The following TFRC variants were observed in gnomAD, a reference collection of about 807,000 sequenced individuals.
TFRC encodes the protein transferrin receptor protein 1.
Under a neutral mutation model 85.8 loss-of-function variants are expected in TFRC, and 35 were observed. The observed-to-expected ratio is 0.41, with a 90% CI of 0.31 to 0.54. TFRC has a LOEUF of 0.54. TFRC is among the 20% of genes least tolerant of loss of function. The probability of loss-of-function intolerance (pLI) is 0.31; values close to 1 mark genes in which losing one functional copy is unlikely to be tolerated. For synonymous variants in TFRC, 362 were observed against 328.6 expected, an observed-to-expected ratio of 1.10 and a Z score of -1.10; for missense variants, 828 against 921.5, an observed-to-expected ratio of 0.90 and a Z score of 1.31.
intron 6 of TFRC, among the ~76,000 whole-genome samples, chr3:196,069,972 G>C (rs1718051870): frequency 6.6e-6 from 1 of 152,174 alleles, no homozygotes; most frequent in Admixed American, 6.5e-5. Flanking sequence ...TTACAACAAA[G>C]TGACTTGCAT....
chr3:196,075,226 T>C lies in TFRC; in HGVS notation c.171A>G (p.Thr57=). The change falls in exon 3 of 19, where the codon ACA becomes ACG. Residue 57 remains threonine (T), a synonymous_variant. Coordinates refer to ENST00000360110, the MANE Select transcript of TFRC (RefSeq NM_001128148.3). ...NADNNTKANV[T]KPKRCSGSIC... ...TACTTCCACTACACCTTTTTGGTTT[T>C]GTGACATTGGCCTTTGTGTTATTGT... The C allele has an allele frequency of 1.2e-6, 2 of 1,614,202 alleles. No individual in the cohort carries two copies. Among genetic ancestry groups the C allele is most frequent in the East Asian group, 4.5e-5 (2 of 44,892 alleles).
Position 196,074,023 on chromosome 3 carries a change from T to C in TFRC, c.341A>G (p.Glu114Gly). The C allele has an allele frequency of 6.2e-7, 1 of 1,614,180 alleles. No individual in the cohort carries two copies. The highest frequency in any genetic ancestry group is 8.5e-7 in the Non-Finnish European group (1 of 1,180,022). The change falls in exon 4 of 19, where the codon GAG becomes GGG. Residue 114 changes from glutamate to glycine, a missense_variant. Coordinates refer to ENST00000360110, the MANE Select transcript of TFRC (RefSeq NM_001128148.3). ...TAAGCGACGTGCTGCAGGGAAGTCC[T>C]CTCCTGGCTCCTCCCTCACTGGAGA... Reference protein sequence around the residue: ...TESPVREEPGEDFPAARRLYW... With the variant: ...TESPVREEPGGDFPAARRLYW...
chr3:196,073,844 C>A, intron 4 of TFRC, 86 bp downstream of exon 4: 1 of 1,368,560 alleles, frequency 7.3e-7, no homozygotes, highest in Non-Finnish European at 9.9e-7. Flanking sequence ...AGCCATTCCC[C>A]ACAGTGTCAC....
At position 196,067,767 on chromosome 3, in the gene TFRC, G is replaced by A. The variant is rs918574721; in HGVS notation, c.901-110C>T. On this transcript the variant is annotated intron_variant, in intron 8 of 18. Coordinates refer to ENST00000360110, the MANE Select transcript of TFRC (RefSeq NM_001128148.3). Reference sequence around the variant, plus strand: ...CCCAACCTTAGTTTACCAACTTGAAGCCTCAAAAATCTGAGTGGCTCTACA... The same window carrying A: ...CCCAACCTTAGTTTACCAACTTGAAACCTCAAAAATCTGAGTGGCTCTACA... The A allele has an allele frequency of 2.3e-6, 3 of 1,311,080 alleles. No individual in the cohort carries two copies. The African/African-American group carries it at 4.4e-5, about 19-fold the overall frequency. 81.2% of individuals were successfully genotyped at this position (1,311,080 alleles called of 1,614,324 possible). A position where few individuals can be genotyped will look rare whatever the true frequency, so the allele number is the denominator to read the frequency against.
intron 18 of TFRC, among the ~76,000 whole-genome samples, chr3:196,053,068 C>T (rs1034417851): frequency 7.3e-5 from 11 of 151,544 alleles, no homozygotes; most frequent in East Asian, 5.8e-4. Context: ...GAGCCGAGAC[C>T]GTGCCATTGC....
chr3:196,077,783 G>C (rs1718833168), intron 1 of TFRC, among the ~76,000 whole-genome samples: 1 of 151,808 alleles, frequency 6.6e-6, no homozygotes, highest in African/African-American at 2.4e-5. Context: ...CATACAAAAA[G>C]ACAAAATTAA....
At chr3:196,070,218 C>T (rs1239335497) in intron 6 of TFRC, among the ~76,000 whole-genome samples, 1 of 151,884 alleles carries the variant, frequency 6.6e-6, no homozygotes, top group African/African-American at 2.4e-5. Context: ...AGAACTGCAC[C>T]AGCCCCGAAA....
intron 4 of TFRC, among the ~76,000 whole-genome samples, chr3:196,073,258 C>T (rs112704210): frequency 1.3e-5 from 2 of 149,772 alleles, no homozygotes; most frequent in African/African-American, 4.9e-5. Flanking sequence ...AAGAACAGAC[C>T]GGCCTGGGAG....
intron 2 of TFRC, among the ~76,000 whole-genome samples, chr3:196,075,890 G>C (rs74199047): frequency 0.068 from 10,372 of 151,544 alleles, 513 homozygotes; most frequent in East Asian, 0.15. Flanking sequence ...CTCTGGGGGG[G>C]GCCGAGGCAC....
rs1487205644 is a variant in TFRC at position 196,051,249 on chromosome 3, G to A, written c.*693C>T. The A allele has an allele frequency of 4.6e-6, 1 of 219,030 alleles. No homozygotes were observed. The highest frequency in any genetic ancestry group is 9.2e-6 in the Non-Finnish European group (1 of 108,956). The allele number at this position is 219,030 out of a possible 1,614,324, so 13.6% of individuals were successfully genotyped here. A position where few individuals can be genotyped will look rare whatever the true frequency, so the allele number is the denominator to read the frequency against. On this transcript the variant is annotated 3_prime_UTR_variant, in exon 19 of 19. Coordinates refer to ENST00000360110, the MANE Select transcript of TFRC (RefSeq NM_001128148.3). Reference sequence around the variant, plus strand: ...ACAAAGAACTAAATGGAGGCTTATGGGGGAAGGGACAGAGGAAAAGAAAAT... The same window carrying A: ...ACAAAGAACTAAATGGAGGCTTATGAGGGAAGGGACAGAGGAAAAGAAAAT...
intron 16 of TFRC, chr3:196,057,942 G>GT (rs3081468): frequency 7.0e-3 from 1,150 of 164,388 alleles, no homozygotes; most frequent in Middle Eastern, 0.013. Flanking sequence ...AGGATTAAGG[G>GT]TTTTTTTTTT....
At chr3:196,053,708 C>A in intron 17 of TFRC, 150 bp from the exon 18 acceptor site, 1 of 853,908 alleles carries the variant, frequency 1.2e-6, no homozygotes, top group Non-Finnish European at 1.8e-6. Flanking sequence ...ACAGGGGTTC[C>A]AAGCTCTATG....
chr3:196,053,451 A>G lies in TFRC; in HGVS notation c.2007T>C (p.Phe669=), dbSNP rs753340870. ...DFGNAEKTDR[F]VMKKLNDRVM... ...CACGATCATTGAGTTTCTTCATGAC[A>G]AATCTGTCTGTTTTCTCAGCATTCC... The change falls in exon 18 of 19, where the codon TTT becomes TTC. Residue 669 remains phenylalanine, a synonymous_variant. Transcript: ENST00000360110. The G allele has an allele frequency of 2.8e-5, 46 of 1,614,216 alleles. 1 individual carries two copies. The South Asian group carries it at 4.8e-4, about 17-fold the overall frequency.
chr3:196,061,078 T>C (rs1717244123), intron 13 of TFRC, among the ~76,000 whole-genome samples: 1 of 152,186 alleles, frequency 6.6e-6, no homozygotes, highest in Non-Finnish European at 1.5e-5. Flanking sequence ...CATGTAGACA[T>C]TTCACTATTC....
chr3:196,075,410 G>A (rs1718601961), intron 2 of TFRC, 50 bp from the exon 3 acceptor site: 6 of 1,587,210 alleles, frequency 3.8e-6, no homozygotes, highest in Non-Finnish European at 5.2e-6. Flanking sequence ...GAATGTTTAG[G>A]AAAAGCTCGT....
chr3:196,074,555 C>A (rs41301353), intron 3 of TFRC: 12,048 of 157,896 alleles, frequency 0.076, 586 homozygotes, highest in East Asian at 0.17. Context: ...GGTATAGAAT[C>A]TACTCATGAT....
chr3:196,050,839 C>T lies in TFRC; in HGVS notation c.*1103G>A, dbSNP rs1442284957. ...ATTCATCTCTAAATCTTAGCTTCAA[C>T]TTTATTCAATTACATTTGGCTGACG... On this transcript the variant is annotated 3_prime_UTR_variant, in exon 19 of 19. Transcript: ENST00000360110. 1.5e-5 allele frequency: 3 copies of T among 201,386 alleles called. No homozygotes were observed. Among genetic ancestry groups the T allele is most frequent in the Admixed American group, 6.0e-5 (1 of 16,634 alleles). 12.5% of individuals were successfully genotyped at this position (201,386 alleles called of 1,614,324 possible). A position where few individuals can be genotyped will look rare whatever the true frequency, so the allele number is the denominator to read the frequency against.
intron 10 of TFRC, 77 bp from the exon 11 acceptor site, chr3:196,064,505 G>T: frequency 7.1e-7 from 1 of 1,417,884 alleles, no homozygotes; most frequent in Non-Finnish European, 9.4e-7. Context: ...CACATCAGTA[G>T]AAAGGTAAAA....
chr3:196,055,269 C>T lies in TFRC; in HGVS notation c.1710G>A (p.Met570Ile), dbSNP rs1716679091. The T allele has an allele frequency of 1.9e-6, 3 of 1,614,094 alleles. No individual in the cohort carries two copies. Among genetic ancestry groups the T allele is most frequent in the African/African-American group, 2.7e-5 (2 of 74,938 alleles). Residue 570 changes from methionine (M) to isoleucine (I), a missense_variant, in exon 17 of 19, where the codon ATG becomes ATA. Coordinates refer to ENST00000360110, the MANE Select transcript of TFRC (RefSeq NM_001128148.3). ...TCTCAATCAGTTCCTTATAGGTGTC[C>T]ATGGTGGTACCCAAATAAGGATAAT... ...DTDYPYLGTT[M>I]DTYKELIERI...
Sources: allele counts gnomAD v4.1 joint callset (sites outside exome capture counted in the v4.1 genomes callset), GRCh38; gene constraint gnomAD v4.1.1; transcripts MANE v1.5; gene names NCBI Gene and HGNC (gene_info 2026-07-23, HGNC 2026-07-21).